CCAR1: variants seen among roughly 807,000 people sequenced by gnomAD.
CCAR1 encodes the protein cell division cycle and apoptosis regulator 1.
CCAR1 carries 78 observed loss-of-function variants against 163.8 expected under a neutral mutation model. The observed-to-expected ratio is 0.48, with a 90% CI of 0.40 to 0.57. CCAR1 has a LOEUF of 0.57. Among genes scored for constraint, CCAR1 ranks in the 20% least tolerant of loss-of-function variants. The pLI, the probability that CCAR1 is intolerant of heterozygous loss-of-function variation, is 0.00. For missense variants in CCAR1, 1,019 were observed against 1,365.2 expected (o/e 0.75, Z 4.00); for synonymous variants, 443 against 460.7 (o/e 0.96, Z 0.49).
intron 16 of CCAR1, 89 bp downstream of exon 16, chr10:68,761,281 G>T: frequency 1.8e-6 from 1 of 548,382 alleles, no homozygotes; most frequent in Non-Finnish European, 2.9e-6. Context: ...TTATGTGTGT[G>T]TAAGCTTTTA....
rs7071401 is a variant in CCAR1 at position 68,751,021 on chromosome 10, T to G, written c.1118+1336T>G. 3.6e-3 allele frequency among the ~76,000 whole-genome samples: 535 copies of G among 150,654 alleles called. 3 individuals are homozygous for G. The highest frequency in any genetic ancestry group is 0.011 in the African/African-American group (430 of 40,484). Reference sequence around the variant, plus strand: ...TATGGTCAAATCAGCACCTACTTTTTTTTTTGTTTTTGTTTTTTTTTTTGA... The same window carrying G: ...TATGGTCAAATCAGCACCTACTTTTGTTTTTGTTTTTGTTTTTTTTTTTGA... On this transcript the variant is annotated intron_variant, in intron 10 of 24. Coordinates refer to ENST00000265872, the MANE Select transcript of CCAR1 (RefSeq NM_018237.4).
At chr10:68,724,444 G>A (rs2055911468) in intron 2 of CCAR1, among the ~76,000 whole-genome samples, 1 of 152,098 alleles carries the variant, frequency 6.6e-6, no homozygotes, top group Non-Finnish European at 1.5e-5. Context: ...CAGTCTGGGT[G>A]ATAAAGGGAG....
At position 68,761,200 on chromosome 10, in the gene CCAR1, CTCAA is replaced by C. The variant is rs767077507; in HGVS notation, c.2106+11_2106+14del. On this transcript the variant is annotated intron_variant, in intron 16 of 24. Transcript: ENST00000265872. ...TCTGAAGACGATAAAGAGGTATGTA[CTCAA>C]TCTATTATTATACTCTATGGTATTA... The C allele has an allele frequency of 1.1e-5, 17 of 1,555,118 alleles. No homozygotes were observed. The highest frequency in any genetic ancestry group is 2.8e-5 in the African/African-American group (2 of 72,508).
chr10:68,748,877 C>T (rs1292513449), intron 8 of CCAR1, among the ~76,000 whole-genome samples: 1 of 152,004 alleles, frequency 6.6e-6, no homozygotes, highest in Non-Finnish European at 1.5e-5. Flanking sequence ...AGGGTTTTGC[C>T]ATGTTGCCAG....
chr10:68,764,668 T>C (rs1340590781), intron 16 of CCAR1, among the ~76,000 whole-genome samples: 1 of 152,138 alleles, frequency 6.6e-6, no homozygotes, highest in Non-Finnish European at 1.5e-5. Context: ...CACGGCCACT[T>C]CTATTAGAGA....
chr10:68,723,644 C>G (rs533728158), intron 2 of CCAR1, among the ~76,000 whole-genome samples: 1 of 143,808 alleles, frequency 7.0e-6, no homozygotes, highest in African/African-American at 2.6e-5. Context: ...GTCAGGAAAT[C>G]GAGACCATCC....
chr10:68,722,617 G>T (rs375599265), intron 2 of CCAR1, 40 bp downstream of exon 2: 15 of 1,503,526 alleles, frequency 1.0e-5, no homozygotes, highest in African/African-American at 1.4e-5. Context: ...TGTTTGTGGG[G>T]GACTTGTTAA....
rs1287086288 is a variant in CCAR1, at chr10:68,791,489, A to T, written c.*223A>T. On this transcript the variant is annotated 3_prime_UTR_variant, in exon 25 of 25. Transcript: ENST00000265872. ...CACTCCTTGAGTGAAATAATTTTGC[A>T]TTGCAAAGTGTTTTAGGATGAACTT... is the stretch of plus-strand genomic sequence containing the variant. The T allele has an allele frequency of 2.8e-5, 9 of 322,882 alleles. No homozygotes were observed. The highest frequency in any genetic ancestry group is 4.6e-5 in the Non-Finnish European group (8 of 172,390). The allele number at this position is 322,882 out of a possible 1,614,324, so 20.0% of individuals were successfully genotyped here. A position where few individuals can be genotyped will look rare whatever the true frequency, so the allele number is the denominator to read the frequency against.
At chr10:68,784,711 A>G (rs2056776088) in intron 19 of CCAR1, among the ~76,000 whole-genome samples, 2 of 151,384 alleles carry the variant, frequency 1.3e-5, no homozygotes, top group Admixed American at 6.6e-5. Flanking sequence ...ACTTAGTCTG[A>G]CTCATTTTTT....
intron 6 of CCAR1, among the ~76,000 whole-genome samples, chr10:68,744,779 A>G (rs2056229974): frequency 2.0e-5 from 3 of 152,042 alleles, no homozygotes; most frequent in Admixed American, 2.0e-4. Flanking sequence ...ACTCATGTTT[A>G]TAAGGGTGAA....
Position 68,755,365 on chromosome 10 carries a change from A to T in CCAR1, c.1459-5A>T, listed in dbSNP as rs1227625878. On this transcript the variant is annotated splice_polypyrimidine_tract_variant and splice_region_variant and intron_variant, in intron 12 of 24. Transcript: ENST00000265872. ...ATATGTAAATGATTCTTTGTTTTGA[A>T]TTAGTTTTTAGTGGGCATGAAAGGC... is the stretch of plus-strand genomic sequence containing the variant. The T allele has an allele frequency of 1.2e-6, 2 of 1,607,084 alleles. No homozygotes were observed. Among genetic ancestry groups the T allele is most frequent in the Non-Finnish European group, 1.7e-6 (2 of 1,175,932 alleles).
chr10:68,761,637 T>A (rs1209810685), intron 16 of CCAR1, among the ~76,000 whole-genome samples: 1 of 148,498 alleles, frequency 6.7e-6, no homozygotes, highest in Non-Finnish European at 1.5e-5. Flanking sequence ...AGTTTCGCTC[T>A]TGTTGCCTAG....
intron 2 of CCAR1, among the ~76,000 whole-genome samples, chr10:68,724,248 A>AG: frequency 6.6e-6 from 1 of 152,124 alleles, no homozygotes; most frequent in East Asian, 1.9e-4. Context: ...AGATCACCTG[A>AG]GGTCAGGAGT....
chr10:68,741,413 A>G (rs931129265), intron 5 of CCAR1, among the ~76,000 whole-genome samples: 42 of 152,120 alleles, frequency 2.8e-4, no homozygotes, highest in African/African-American at 9.7e-4. Context: ...TTTACAGACT[A>G]TTTATTGTAT....
At chr10:68,757,045 A>G (rs2056403773) in intron 14 of CCAR1, among the ~76,000 whole-genome samples, 1 of 152,162 alleles carries the variant, frequency 6.6e-6, no homozygotes, top group Non-Finnish European at 1.5e-5. Flanking sequence ...CATCCCTGAT[A>G]TCCTTTGTGT....
chr10:68,757,004 G>T (rs2056403517), intron 14 of CCAR1, among the ~76,000 whole-genome samples: 1 of 152,168 alleles, frequency 6.6e-6, no homozygotes, highest in African/African-American at 2.4e-5. Context: ...ATCACACACT[G>T]TGTGGTTTGT....
At chr10:68,768,009 T>C (rs1257528906) in intron 17 of CCAR1, among the ~76,000 whole-genome samples, 1 of 152,236 alleles carries the variant, frequency 6.6e-6, no homozygotes, top group Non-Finnish European at 1.5e-5. Context: ...TGTTTAATTA[T>C]TGTATCTTAT....
intron 4 of CCAR1, among the ~76,000 whole-genome samples, chr10:68,738,655 A>G (rs1392835325): frequency 6.6e-6 from 1 of 151,922 alleles, no homozygotes; most frequent in African/African-American, 2.4e-5. Context: ...AACACCTACT[A>G]CAGCCTTTAT....
At position 68,747,285 on chromosome 10, in the gene CCAR1, G is replaced by A. The variant is rs773431432; in HGVS notation, c.633+10G>A. 9.4e-6 allele frequency: 15 copies of A among 1,589,528 alleles called. No individual in the cohort carries two copies. The South Asian group carries it at 1.5e-4, about 16-fold the overall frequency. ...AACACTACCAAATCAGGTACAGAAA[G>A]TATTGAGTTAGGTATTATAGAAGCT... On this transcript the variant is annotated intron_variant, in intron 7 of 24. Coordinates refer to ENST00000265872, the MANE Select transcript of CCAR1 (RefSeq NM_018237.4).
Sources: allele counts gnomAD v4.1 joint callset (sites outside exome capture counted in the v4.1 genomes callset), GRCh38; gene constraint gnomAD v4.1.1; transcripts MANE v1.5; gene names NCBI Gene and HGNC (gene_info 2026-07-23, HGNC 2026-07-21).